SLC14A2: variants seen among roughly 807,000 people sequenced by gnomAD.
SLC14A2 encodes urea transporter 2.
A neutral mutation model predicts 104.6 loss-of-function variants in SLC14A2; 91 were observed. That is an observed-to-expected ratio of 0.87 (90% CI 0.73 to 1.04). The LOEUF (loss-of-function observed/expected upper bound fraction) is 1.04. SLC14A2 is among the 50% of genes least tolerant of loss of function. The pLI is 0.00. For missense variants in SLC14A2, 1,189 were observed against 1,156.0 expected (o/e 1.03, Z -0.41); for synonymous variants, 476 against 466.4 (o/e 1.02, Z -0.27).
At chr18:45,403,462 C>T (rs926609971) in intron 1 of SLC14A2, among the ~76,000 whole-genome samples, 3 of 152,138 alleles carry the variant, frequency 2.0e-5, no homozygotes, top group African/African-American at 7.2e-5. Context: ...AACAATGGTG[C>T]TCCATCGCTG....
At chr18:45,618,009 G>A (rs1232959146) in intron 1 of SLC14A2, among the ~76,000 whole-genome samples, 2 of 152,168 alleles carry the variant, frequency 1.3e-5, no homozygotes, top group African/African-American at 2.4e-5. Flanking sequence ...CCTGTATCCT[G>A]TGCAGGTATA....
chr18:45,671,753 C>T lies in SLC14A2; in HGVS notation c.2230-1147C>T, dbSNP rs151291795. On this transcript the variant is annotated intron_variant, in intron 16 of 19. Transcript: ENST00000255226. Reference sequence around the variant, plus strand: ...GCTGCAGGATCTCCCTCCCCGGCCACGCGCAGAGGGAAGAGTTCTCTAGAG... The same window carrying T: ...GCTGCAGGATCTCCCTCCCCGGCCATGCGCAGAGGGAAGAGTTCTCTAGAG... 4.5e-4 allele frequency among the ~76,000 whole-genome samples: 68 copies of T among 152,314 alleles called. 1 individual carries two copies. The East Asian group carries it at 0.013, about 29-fold the overall frequency.
intron 1 of SLC14A2, among the ~76,000 whole-genome samples, chr18:45,241,563 C>T (rs1158272769): frequency 6.6e-6 from 1 of 151,910 alleles, no homozygotes; most frequent in East Asian, 1.9e-4. Flanking sequence ...CCAGCAGAGG[C>T]TACCATCTCC....
intron 2 of SLC14A2, among the ~76,000 whole-genome samples, chr18:45,579,058 A>G (rs1403946073): frequency 6.6e-6 from 1 of 151,926 alleles, no homozygotes; most frequent in Non-Finnish European, 1.5e-5. Flanking sequence ...ACTTATTTAC[A>G]TGGTAGTCAC....
At chr18:45,198,819 G>C in the SLC14A2 span, among the ~76,000 whole-genome samples, 4 of 152,078 alleles carry the variant, frequency 2.6e-5, no homozygotes, top group Non-Finnish European at 4.4e-5. Flanking sequence ...TCTTGCTACT[G>C]TTGTCTGGAA....
intron 1 of SLC14A2, among the ~76,000 whole-genome samples, chr18:45,424,364 T>G (rs1437319874): frequency 3.3e-5 from 5 of 152,162 alleles, no homozygotes; most frequent in Admixed American, 3.3e-4. Flanking sequence ...TGGGGTTCTA[T>G]GGAGACTGTG....
At chr18:45,277,538 A>G (rs1029816786) in intron 1 of SLC14A2, among the ~76,000 whole-genome samples, 1 of 152,190 alleles carries the variant, frequency 6.6e-6, no homozygotes, top group African/African-American at 2.4e-5. Context: ...CCTCCTGAGT[A>G]GCTGGTACTA....
At chr18:45,490,196 G>A (rs2087695285) in intron 2 of SLC14A2, among the ~76,000 whole-genome samples, 1 of 152,212 alleles carries the variant, frequency 6.6e-6, no homozygotes, top group African/African-American at 2.4e-5. Flanking sequence ...CTATGAAGAA[G>A]ATGAATTTAC....
At chr18:45,283,060 C>T (rs1236397372) in intron 1 of SLC14A2, among the ~76,000 whole-genome samples, 1 of 152,228 alleles carries the variant, frequency 6.6e-6, no homozygotes, top group African/African-American at 2.4e-5. Flanking sequence ...CTTTTCCCTC[C>T]TCCGTGAGAA....
chr18:45,492,885 T>G (rs1020800032), intron 2 of SLC14A2, among the ~76,000 whole-genome samples: 5 of 152,216 alleles, frequency 3.3e-5, no homozygotes, highest in Non-Finnish European at 5.9e-5. Context: ...GCTTCAAACT[T>G]TAGTCAAACT....
At chr18:45,184,147 A>ATT in the SLC14A2 span, among the ~76,000 whole-genome samples, 4 of 151,840 alleles carry the variant, frequency 2.6e-5, no homozygotes, top group Non-Finnish European at 4.4e-5. Flanking sequence ...GTAATGTTCT[A>ATT]TTTTTTAAAA....
intron 1 of SLC14A2, among the ~76,000 whole-genome samples, chr18:45,293,511 G>A (rs557888114): frequency 8.6e-5 from 13 of 152,030 alleles, no homozygotes; most frequent in African/African-American, 2.9e-4. Context: ...TGTCAGGCAA[G>A]GTCCCCCCGA....
intron 1 of SLC14A2, among the ~76,000 whole-genome samples, chr18:45,414,711 T>C (rs2086250307): frequency 7.2e-6 from 1 of 139,140 alleles, no homozygotes; most frequent in Non-Finnish European, 1.5e-5. Flanking sequence ...GTGGGCCTTT[T>C]CACATGCCAG....
the SLC14A2 span, among the ~76,000 whole-genome samples, chr18:45,202,882 T>G: frequency 1.3e-5 from 2 of 152,052 alleles, no homozygotes; most frequent in South Asian, 4.2e-4. Flanking sequence ...ACAATAAGAT[T>G]TGTAAAAATT....
chr18:45,226,243 C>T (rs1378308772), intron 1 of SLC14A2, among the ~76,000 whole-genome samples: 1 of 152,176 alleles, frequency 6.6e-6, no homozygotes, highest in East Asian at 1.9e-4. Context: ...AGTTCAACTG[C>T]TGTGGAAGAC....
intron 2 of SLC14A2, among the ~76,000 whole-genome samples, chr18:45,510,267 T>C (rs752701361): frequency 5.9e-5 from 9 of 152,126 alleles, no homozygotes; most frequent in Non-Finnish European, 1.3e-4. Context: ...ACAATTCCCA[T>C]GTGATAGGGG....
the SLC14A2 span, among the ~76,000 whole-genome samples, chr18:45,207,488 G>A: frequency 6.6e-6 from 1 of 150,604 alleles, no homozygotes; most frequent in African/African-American, 2.4e-5. Context: ...AAGGGGAGGG[G>A]AAAAATAAAC....
At chr18:45,617,126 G>A (rs1028065957) in intron 1 of SLC14A2, among the ~76,000 whole-genome samples, 3 of 152,044 alleles carry the variant, frequency 2.0e-5, no homozygotes, top group Non-Finnish European at 2.9e-5. Flanking sequence ...ACATAAGAAG[G>A]GTGTGACGAT....
chr18:45,241,430 C>G (rs2084314362), intron 1 of SLC14A2, among the ~76,000 whole-genome samples: 1 of 152,092 alleles, frequency 6.6e-6, no homozygotes, highest in South Asian at 2.1e-4. Context: ...TGAGAGAAGA[C>G]AATGGAAACA....
Sources: gnomAD v4.1 joint callset for allele counts (sites outside exome capture counted in the v4.1 genomes callset) on GRCh38, gnomAD v4.1.1 for gene constraint, MANE v1.5 for transcripts, NCBI Gene and HGNC (gene_info 2026-07-23, HGNC 2026-07-21) for gene names.